Variants in MAOB observed in about 807,000 individuals in gnomAD.
The protein encoded by MAOB is monoamine oxidase B.
A neutral mutation model predicts 41.9 loss-of-function variants in MAOB; 15 were observed. That is an observed-to-expected ratio of 0.36 (90% confidence interval 0.24 to 0.55). MAOB has a LOEUF of 0.55. MAOB is among the 20% of genes least tolerant of loss of function. The probability of loss-of-function intolerance (pLI) is 0.86; values close to 1 mark genes in which losing one functional copy is unlikely to be tolerated. For synonymous variants in MAOB, 167 were observed against 144.2 expected (o/e 1.16, Z -1.13); for missense variants, 345 against 398.7 (o/e 0.87, Z 1.15).
intron 1 of MAOB, chrX:43,850,400 A>G (rs2147170487): frequency 1.3e-6 from 1 of 746,382 alleles, no homozygotes; most frequent in African/African-American, 2.3e-5. Flanking sequence ...CATGTGGAAC[A>G]GTGCAGCATT....
chrX:43,833,732 T>A (rs775976342), intron 3 of MAOB, among the ~76,000 whole-genome samples: 1 of 112,335 alleles, frequency 8.9e-6, no homozygotes, highest in Non-Finnish European at 1.9e-5. Context: ...ATAGTCACTG[T>A]TAAGTTTATC....
intron 3 of MAOB, among the ~76,000 whole-genome samples, chrX:43,836,770 T>C (rs1453002033): frequency 2.7e-5 from 3 of 112,467 alleles, no homozygotes; most frequent in Non-Finnish European, 5.6e-5. Context: ...GCTTTACTTT[T>C]GTCATAATTA....
rs1331315765 is a variant in MAOB at position 43,856,327 on chromosome X, G to A, written c.47-12563C>T. 6.2e-5 allele frequency among the ~76,000 whole-genome samples: 7 copies of A among 112,235 alleles called. No individual in the cohort carries two copies. In the South Asian group the frequency reaches 1.1e-3, roughly 18 times the overall value. On this transcript the variant is annotated intron_variant, in intron 1 of 14. Transcript: ENST00000378069. Reference sequence around the variant, plus strand: ...TCGAACTCCTGACCTCTGGCGATCCGCCTGCCTTGGCCTCCCAAAGTGCTG... The same window carrying A: ...TCGAACTCCTGACCTCTGGCGATCCACCTGCCTTGGCCTCCCAAAGTGCTG...
chrX:43,843,518 A>G (rs1261532561), intron 2 of MAOB, 152 bp downstream of exon 2: 4 of 480,844 alleles, frequency 8.3e-6, no homozygotes, highest in Non-Finnish European at 1.3e-5. Context: ...AAAGGAAGGC[A>G]AACTGGGAGA....
At chrX:43,819,743 G>T (rs1602002656) in intron 3 of MAOB, among the ~76,000 whole-genome samples, 1 of 111,634 alleles carries the variant, frequency 9.0e-6, no homozygotes, top group African/African-American at 3.3e-5. Context: ...GAGAATTGAG[G>T]TGTTTTCTTT....
chrX:43,875,409 A>G (rs1171075658), intron 1 of MAOB, among the ~76,000 whole-genome samples: 1 of 112,161 alleles, frequency 8.9e-6, no homozygotes, highest in Non-Finnish European at 1.9e-5. Context: ...AGTATTTTTT[A>G]GCTTGGTCTT....
chrX:43,875,802 C>T (rs2035435778), intron 1 of MAOB, among the ~76,000 whole-genome samples: 1 of 111,124 alleles, frequency 9.0e-6, no homozygotes, highest in African/African-American at 3.3e-5. Context: ...GGAACACTCA[C>T]CCGCTTTTCA....
intron 1 of MAOB, among the ~76,000 whole-genome samples, 172 bp downstream of exon 1, chrX:43,882,082 C>CA (rs756393117): frequency 8.9e-6 from 1 of 112,173 alleles, no homozygotes; most frequent in South Asian, 3.7e-4. Flanking sequence ...AAATTGCCCC[C>CA]AAAGGAGGGT....
chrX:43,856,013 A>G (rs985614840), intron 1 of MAOB, among the ~76,000 whole-genome samples: 2 of 111,863 alleles, frequency 1.8e-5, no homozygotes, highest in African/African-American at 3.3e-5. Context: ...TGCCCTTGAA[A>G]AAGCAAAAAT....
At chrX:43,798,452 A>G (rs774692522) in intron 5 of MAOB, among the ~76,000 whole-genome samples, 38 of 112,628 alleles carry the variant, frequency 3.4e-4, no homozygotes, top group Non-Finnish European at 6.4e-4. Context: ...CTAACAGAAG[A>G]CAAGCTCAAA....
At chrX:43,801,099 CCTT>C (rs1210476136) in intron 5 of MAOB, among the ~76,000 whole-genome samples, 1 of 108,252 alleles carries the variant, frequency 9.2e-6, no homozygotes, top group Non-Finnish European at 1.9e-5. Flanking sequence ...CTCCCTCTCT[CCTT>C]CTCTCCCTGT....
intron 1 of MAOB, among the ~76,000 whole-genome samples, chrX:43,872,668 T>C (rs1338970028): frequency 8.9e-6 from 1 of 112,074 alleles, no homozygotes. Context: ...CAAGTTGTGA[T>C]ACAATCATAT....
At chrX:43,833,894 T>G in intron 3 of MAOB, among the ~76,000 whole-genome samples, 1 of 112,157 alleles carries the variant, frequency 8.9e-6, no homozygotes. Context: ...TTCAGCAAAT[T>G]ATTACATGCC....
intron 12 of MAOB, among the ~76,000 whole-genome samples, chrX:43,771,342 C>G (rs181621575): frequency 8.0e-5 from 9 of 111,886 alleles, no homozygotes; most frequent in African/African-American, 2.9e-4. Context: ...GCCCAACTGT[C>G]GGCTAATATA....
chrX:43,838,838 C>T (rs775858929), intron 3 of MAOB, 30 bp downstream of exon 3: 1 of 1,146,416 alleles, frequency 8.7e-7, no homozygotes, highest in Non-Finnish European at 1.2e-6. Flanking sequence ...GAGAAGTTTT[C>T]AAATCCTTCA....
At chrX:43,813,503 G>A (rs1167074113) in intron 3 of MAOB, among the ~76,000 whole-genome samples, 1 of 112,246 alleles carries the variant, frequency 8.9e-6, no homozygotes. Context: ...CTCTTGTCAG[G>A]TCTCTGCTCT....
intron 1 of MAOB, among the ~76,000 whole-genome samples, chrX:43,874,568 TTCAATTGCTCGTTTTTGGA>T (rs1318008552): frequency 9.0e-6 from 1 of 111,661 alleles, no homozygotes; most frequent in Non-Finnish European, 1.9e-5. Flanking sequence ...CACTTTGTTT[TTCAATTGCTCGTTTTTGGA>T]TCCTGCCCCC....
intron 3 of MAOB, among the ~76,000 whole-genome samples, chrX:43,805,226 A>G (rs1310429325): frequency 1.8e-5 from 2 of 111,625 alleles, no homozygotes. Flanking sequence ...GTTTTTAACT[A>G]TAGTTACCAT....
intron 3 of MAOB, among the ~76,000 whole-genome samples, chrX:43,828,436 T>C (rs1335345038): frequency 9.0e-6 from 1 of 110,941 alleles, no homozygotes; most frequent in African/African-American, 3.3e-5. Context: ...TAGTCCTTGA[T>C]TTAACCAAAT....
Sources: gnomAD v4.1 joint callset for allele counts (sites outside exome capture counted in the v4.1 genomes callset) on GRCh38, gnomAD v4.1.1 for gene constraint, MANE v1.5 for transcripts, NCBI Gene and HGNC (gene_info 2026-07-23, HGNC 2026-07-21) for gene names.